The following CLEC16A variants were observed in gnomAD, a reference collection of about 807,000 sequenced individuals.
CLEC16A encodes the protein C-type lectin domain containing 16A.
CLEC16A carries 51 observed loss-of-function variants against 109.5 expected under a neutral mutation model. The ratio of observed to expected loss-of-function variants is 0.47; its 90% CI spans 0.37 to 0.59. The LOEUF (loss-of-function observed/expected upper bound fraction) is 0.59. CLEC16A is among the 20% of genes least tolerant of loss of function. CLEC16A has a pLI of 0.00. For missense variants in CLEC16A, 1,339 were observed against 1,394.0 expected (o/e 0.96, Z 0.63); for synonymous variants, 673 against 564.2 (o/e 1.19, Z -2.73).
intron 11 of CLEC16A, among the ~76,000 whole-genome samples, chr16:11,015,575 C>T (rs976446617): frequency 4.6e-5 from 7 of 152,282 alleles, no homozygotes; most frequent in Middle Eastern, 3.4e-3. Context: ...AGCAGCTCTG[C>T]GCTCATCTGC....
chr16:11,117,968 TTTTTC>T (rs776779215), intron 19 of CLEC16A, among the ~76,000 whole-genome samples: 12 of 151,710 alleles, frequency 7.9e-5, no homozygotes, highest in African/African-American at 1.9e-4. Context: ...GATAACTTTC[TTTTTC>T]TTTTCTTTTC....
intron 22 of CLEC16A, among the ~76,000 whole-genome samples, chr16:11,138,241 G>C (rs776365709): frequency 1.1e-4 from 16 of 152,238 alleles, no homozygotes; most frequent in Admixed American, 4.6e-4. Context: ...CCTGGGGTCA[G>C]GGGGAGGGAC....
At chr16:11,121,643 GC>G (rs2052417562) in intron 20 of CLEC16A, among the ~76,000 whole-genome samples, 1 of 151,674 alleles carries the variant, frequency 6.6e-6, no homozygotes. Flanking sequence ...ACTTTGAGGG[GC>G]CAAGTCAGGT....
rs1472136507 is a variant in CLEC16A at position 10,961,959 on chromosome 16, CTTTTTTTTCTTTTT to C, written c.210-487_210-474del. Among the ~76,000 whole-genome samples the C allele has an allele frequency of 3.4e-4, 32 of 92,854 alleles. No homozygotes were observed. The East Asian group carries it at 9.4e-3, about 27-fold the overall frequency. 60.9% of individuals were successfully genotyped at this position (92,854 alleles called of 152,430 possible). Reference sequence around the variant, plus strand: ...TAAAGCTTTTTGGGAACTTTTTTTTCTTTTTTTTCTTTTTTTTTTTTTTGGCTCTGTCACCCAGG... The same window carrying C: ...TAAAGCTTTTTGGGAACTTTTTTTTCTTTTTTTTTGGCTCTGTCACCCAGG... On this transcript the variant is annotated intron_variant, in intron 2 of 23. Coordinates refer to ENST00000409790, the MANE Select transcript of CLEC16A (RefSeq NM_015226.3). This position sits in a 1 kb window ranked among gnomAD's most constrained non-coding sequence, Gnocchi z 4.3.
At chr16:11,169,287 G>C (rs982543409) in intron 23 of CLEC16A, among the ~76,000 whole-genome samples, 4 of 151,842 alleles carry the variant, frequency 2.6e-5, no homozygotes, top group Non-Finnish European at 5.9e-5. Context: ...TTTGTTTTTT[G>C]TTTTGTTTTG....
chr16:11,181,599 A>T lies in CLEC16A; in HGVS notation c.*2909A>T, dbSNP rs200656235. 6.6e-6 allele frequency: 1 copy of T among 152,250 alleles called. No individual in the cohort carries two copies. The highest frequency in any genetic ancestry group is 2.4e-5 in the African/African-American group (1 of 41,446). 9.4% of individuals were successfully genotyped at this position (152,250 alleles called of 1,614,324 possible). A position where few individuals can be genotyped will look rare whatever the true frequency, so the allele number is the denominator to read the frequency against. The stretch of plus-strand genomic sequence containing the variant: ...GGACGTGCAAGGTACCTGTCCCAGC[A>T]GGTCAGATGGGGCCAGCTGAGGCGC... On this transcript the variant is annotated 3_prime_UTR_variant, in exon 24 of 24. Coordinates refer to ENST00000409790, the MANE Select transcript of CLEC16A (RefSeq NM_015226.3).
At chr16:11,117,867 A>C (rs767072483) in intron 19 of CLEC16A, among the ~76,000 whole-genome samples, 2 of 152,234 alleles carry the variant, frequency 1.3e-5, no homozygotes, top group African/African-American at 2.4e-5. Context: ...AGAGGATTGC[A>C]TACAGCGGTA....
chr16:11,045,184 G>A (rs1048085551), intron 16 of CLEC16A, among the ~76,000 whole-genome samples: 2 of 150,806 alleles, frequency 1.3e-5, no homozygotes, highest in Admixed American at 6.6e-5. Context: ...TCTTTACTAA[G>A]AAATACAAAA....
At position 10,981,452 on chromosome 16, in the gene CLEC16A, A is replaced by G. The variant is rs74544596; in HGVS notation, c.958-1426A>G. The stretch of plus-strand genomic sequence containing the variant: ...TCCCAGTATTTTTTTAAAAGATGCA[A>G]TTTTTTATAGGGAGGTGCCACATGG... On this transcript the variant is annotated intron_variant, in intron 9 of 23. Transcript: ENST00000409790. Among the ~76,000 whole-genome samples the G allele has an allele frequency of 5.2e-3, 796 of 152,194 alleles. 1 individual carries two copies. The highest frequency in any genetic ancestry group is 0.01 in the Middle Eastern group (3 of 294).
intron 14 of CLEC16A, 140 bp downstream of exon 14, chr16:11,040,016 C>A: frequency 9.5e-7 from 1 of 1,053,532 alleles, no homozygotes; most frequent in Non-Finnish European, 1.3e-6. Flanking sequence ...TGCCTCTCAA[C>A]CCCTGCATCC....
At chr16:11,019,710 A>C (rs904788658) in intron 11 of CLEC16A, among the ~76,000 whole-genome samples, 1 of 151,362 alleles carries the variant, frequency 6.6e-6, no homozygotes, top group Non-Finnish European at 1.5e-5. Flanking sequence ...CGGAGGTAGC[A>C]GTGAGCTGAG....
intron 1 of CLEC16A, among the ~76,000 whole-genome samples, chr16:10,948,094 C>T (rs187352923): frequency 1.3e-3 from 193 of 152,196 alleles, no homozygotes; most frequent in African/African-American, 3.3e-3. Context: ...GGGGTTTCAC[C>T]GTGTTAGCCA....
At chr16:11,051,446 T>G in intron 17 of CLEC16A, 67 bp from the exon 18 acceptor site, 1 of 1,549,430 alleles carries the variant, frequency 6.5e-7, no homozygotes, top group Non-Finnish European at 8.8e-7. Context: ...CTGTGCAACC[T>G]CCCCCGGCCC....
intron 22 of CLEC16A, among the ~76,000 whole-genome samples, chr16:11,133,214 C>T (rs970830126): frequency 2.0e-5 from 3 of 152,112 alleles, no homozygotes; most frequent in Non-Finnish European, 4.4e-5. Flanking sequence ...TGGCGGGCAC[C>T]TGTAGTCCCA....
At position 10,973,029 on chromosome 16, in the gene CLEC16A, C is replaced by T. The variant is rs747501322; in HGVS notation, c.696C>T (p.Ile232=). 8 of 1,608,816 alleles carry T rather than the reference C, an allele frequency of 5.0e-6. No homozygotes were observed. Among genetic ancestry groups the T allele is most frequent in the Admixed American group, 3.4e-5 (2 of 59,270 alleles). Residue 232 remains isoleucine, a synonymous_variant, in exon 7 of 24, where the codon ATC becomes ATT. Coordinates refer to ENST00000409790, the MANE Select transcript of CLEC16A (RefSeq NM_015226.3). ...NLVWFIGSHV[I]ELDDCVQTDE... ...TCTGGTTCATTGGGAGCCATGTGATCGAACTCGATGACTGCGTGCAGACTG... is the reference window on the plus strand; with the variant it reads ...TCTGGTTCATTGGGAGCCATGTGATTGAACTCGATGACTGCGTGCAGACTG...
chr16:10,960,368 G>C (rs746152506), intron 2 of CLEC16A, among the ~76,000 whole-genome samples: 2 of 152,156 alleles, frequency 1.3e-5, no homozygotes, highest in Non-Finnish European at 2.9e-5. Context: ...AGAAATGCTA[G>C]CCAGGTCTCC....
At chr16:10,951,321 CT>C (rs1012862057) in intron 1 of CLEC16A, among the ~76,000 whole-genome samples, 59 of 152,116 alleles carry the variant, frequency 3.9e-4, no homozygotes, top group African/African-American at 1.2e-3. Context: ...GAGTTAGAGC[CT>C]TTTATAAGGA....
chr16:11,047,526 T>G, intron 17 of CLEC16A, 184 bp downstream of exon 17: 1 of 437,148 alleles, frequency 2.3e-6, no homozygotes, highest in Non-Finnish European at 4.0e-6. Context: ...TCAGACTATA[T>G]TCTCTCCCTC....
chr16:11,059,325 CCACCATCAT>C (rs1374008407), intron 18 of CLEC16A, among the ~76,000 whole-genome samples: 1 of 152,238 alleles, frequency 6.6e-6, no homozygotes, highest in East Asian at 1.9e-4. Flanking sequence ...AATGCTACCA[CCACCATCAT>C]CATCATTATA....
Sources: gnomAD v4.1 joint callset for allele counts (sites outside exome capture counted in the v4.1 genomes callset) on GRCh38, gnomAD v4.1.1 for gene constraint, Gnocchi (gnomAD v3.1) non-coding constraint, MANE v1.5 for transcripts, NCBI Gene and HGNC (gene_info 2026-07-23, HGNC 2026-07-21) for gene names.